TUSC3: variants seen among roughly 807,000 people sequenced by gnomAD.
The protein encoded by TUSC3 is dolichyl-diphosphooligosaccharide--protein glycosyltransferase subunit TUSC3.
In TUSC3, 45 loss-of-function variants were observed where a neutral mutation model predicts 44.8. The ratio of observed to expected loss-of-function variants is 1.00; its 90% CI spans 0.79 to 1.29. The LOEUF (loss-of-function observed/expected upper bound fraction) is 1.29. Among genes scored for constraint, TUSC3 ranks in the 50% most tolerant of loss-of-function variants. TUSC3 has a pLI of 0.00. For synonymous variants in TUSC3, 212 were observed against 152.9 expected, an observed-to-expected ratio of 1.39 and a Z score of -2.85; for missense variants, 519 against 437.9, an observed-to-expected ratio of 1.19 and a Z score of -1.65.
At chr8:15,603,530 A>T (rs1420649474) in intron 1 of TUSC3, among the ~76,000 whole-genome samples, 3 of 151,732 alleles carry the variant, frequency 2.0e-5, no homozygotes, top group East Asian at 1.9e-4. Context: ...TTGCAGAAAA[A>T]TTTTTTAAGT....
chr8:15,504,609 ATATATATATATATTTTTTTT>A lies in TUSC3; in HGVS notation n.189+21128_189+21147del, dbSNP rs1400795315. ...TATATATATATATATATATATATAT[ATATATATATATATTTTTTTT>A]TTTTTTTTTTTTTAAGTGGGTTTTT... is the stretch of plus-strand genomic sequence containing the variant. On this transcript the variant is annotated intron_variant and non_coding_transcript_variant, in intron 2 of 5. Coordinates refer to the TUSC3 transcript ENST00000503191. Among the ~76,000 whole-genome samples, 219 of 25,988 alleles carry A rather than the reference ATATATATATATATTTTTTTT, an allele frequency of 8.4e-3. 4 individuals are homozygous for A. Among genetic ancestry groups the A allele is most frequent in the African/African-American group, 0.028 (189 of 6,866 alleles). 17.0% of individuals were successfully genotyped at this position (25,988 alleles called of 152,430 possible).
At chr8:15,466,160 G>A (rs189389671) in intron 1 of TUSC3, among the ~76,000 whole-genome samples, 1 of 152,096 alleles carries the variant, frequency 6.6e-6, no homozygotes, top group Non-Finnish European at 1.5e-5. Flanking sequence ...TTTGAAACAT[G>A]TATGTTAAAG....
chr8:15,645,961 G>A (rs1366670), intron 2 of TUSC3, among the ~76,000 whole-genome samples: 130,047 of 151,962 alleles, frequency 0.86, 55,805 homozygotes, highest in Non-Finnish European at 0.88. Context: ...TGATATAGTG[G>A]CTGGCTATGA....
Position 15,764,769 on chromosome 8 carries a change from C to A in TUSC3, c.*613C>A, listed in dbSNP as rs1028162623. 1 of 152,472 alleles carries A rather than the reference C, an allele frequency of 6.6e-6. No homozygotes were observed. Among genetic ancestry groups the A allele is most frequent in the South Asian group, 2.1e-4 (1 of 4,856 alleles). The allele number at this position is 152,472 out of a possible 1,614,324, so 9.4% of individuals were successfully genotyped here. ...GGATGCCTAACCAAGGACTAGAGCT[C>A]CTTCTTGAGATCTAAATCTAAAGTA... On this transcript the variant is annotated 3_prime_UTR_variant, in exon 11 of 11. Transcript: ENST00000503731.
intron 1 of TUSC3, among the ~76,000 whole-genome samples, chr8:15,549,126 G>T (rs1253344251): frequency 6.6e-6 from 1 of 151,756 alleles, no homozygotes; most frequent in Non-Finnish European, 1.5e-5. Flanking sequence ...AGGTATATTT[G>T]CTGCATACAA....
At chr8:15,617,152 T>G (rs1805030598) in intron 1 of TUSC3, among the ~76,000 whole-genome samples, 1 of 14,688 alleles carries the variant, frequency 6.8e-5, no homozygotes, top group Non-Finnish European at 2.2e-4. Context: ...TTTTTTTTTT[T>G]TTTTTGAGAC....
At chr8:15,830,615 AG>A in the TUSC3 span, among the ~76,000 whole-genome samples, 1 of 152,208 alleles carries the variant, frequency 6.6e-6, no homozygotes, top group African/African-American at 2.4e-5. Context: ...GTAGCAACAC[AG>A]GTAGAGGTGG....
At chr8:15,703,567 A>G (rs1809493105) in intron 6 of TUSC3, among the ~76,000 whole-genome samples, 1 of 152,138 alleles carries the variant, frequency 6.6e-6, no homozygotes. Context: ...TATTTGGGTC[A>G]CCATTCTGCA....
intron 1 of TUSC3, among the ~76,000 whole-genome samples, chr8:15,470,636 C>T (rs1163474131): frequency 6.6e-6 from 1 of 152,138 alleles, no homozygotes; most frequent in African/African-American, 2.4e-5. Flanking sequence ...TAGTACACAG[C>T]AGGTCCCCAA....
At chr8:15,625,043 G>T (rs1049012391) in intron 2 of TUSC3, among the ~76,000 whole-genome samples, 8 of 152,004 alleles carry the variant, frequency 5.3e-5, no homozygotes, top group African/African-American at 1.9e-4. Flanking sequence ...TATATTCCTA[G>T]TTTGCTGACA....
intron 6 of TUSC3, among the ~76,000 whole-genome samples, chr8:15,712,752 T>C (rs1211713353): frequency 6.6e-6 from 1 of 152,164 alleles, no homozygotes; most frequent in Non-Finnish European, 1.5e-5. Context: ...TGTTTGCTCC[T>C]AAAGTTTCTC....
intron 6 of TUSC3, among the ~76,000 whole-genome samples, chr8:15,710,388 C>T (rs1360047891): frequency 6.6e-6 from 1 of 151,702 alleles, no homozygotes; most frequent in East Asian, 1.9e-4. Flanking sequence ...TATAGGGCCT[C>T]GTGCTATTTA....
the TUSC3 span, among the ~76,000 whole-genome samples, chr8:15,808,626 C>G: frequency 6.6e-6 from 1 of 152,154 alleles, no homozygotes; most frequent in African/African-American, 2.4e-5. Flanking sequence ...AAGACAGAAG[C>G]AGCCCAAGCA....
chr8:15,430,078 A>G (rs1799853149), intron 1 of TUSC3, among the ~76,000 whole-genome samples: 1 of 151,462 alleles, frequency 6.6e-6, no homozygotes, highest in Admixed American at 6.6e-5. Flanking sequence ...TTCCTTCTGA[A>G]ACTATTCCAA....
chr8:15,769,267 AAAT>A (rs1370474659), downstream of TUSC3, among the ~76,000 whole-genome samples: 1 of 152,206 alleles, frequency 6.6e-6, no homozygotes, highest in East Asian at 1.9e-4. Flanking sequence ...GAGGCCTCAG[AAAT>A]AATACCACAC....
chr8:15,625,491 T>C (rs1452262108), intron 2 of TUSC3, among the ~76,000 whole-genome samples: 1 of 152,230 alleles, frequency 6.6e-6, no homozygotes, highest in Non-Finnish European at 1.5e-5. Flanking sequence ...CAGAAACTTA[T>C]AAATTACATA....
the TUSC3 span, among the ~76,000 whole-genome samples, chr8:15,837,341 G>A: frequency 2.0e-5 from 3 of 151,826 alleles, no homozygotes; most frequent in Admixed American, 1.3e-4. Context: ...GAGCTTTATT[G>A]TACTACACAT....
At chr8:15,672,198 G>T (rs940383937) in intron 5 of TUSC3, among the ~76,000 whole-genome samples, 1 of 151,986 alleles carries the variant, frequency 6.6e-6, no homozygotes, top group Admixed American at 6.6e-5. Context: ...TAAGGAGTAT[G>T]GGAGCAAATT....
chr8:15,696,310 C>T (rs1026870672), intron 6 of TUSC3, among the ~76,000 whole-genome samples: 12 of 152,152 alleles, frequency 7.9e-5, no homozygotes, highest in Non-Finnish European at 2.9e-5. Context: ...GCACAAGCTC[C>T]AAGCCTTGGC....
Sources: allele counts gnomAD v4.1 joint callset (sites outside exome capture counted in the v4.1 genomes callset), GRCh38; gene constraint gnomAD v4.1.1; transcripts MANE v1.5; gene names NCBI Gene and HGNC (gene_info 2026-07-23, HGNC 2026-07-21).